The following TBRG1 variants were observed in gnomAD, a reference collection of about 807,000 sequenced individuals.
TBRG1 encodes the protein nuclear interactor of ARF and MDM2.
Under a neutral mutation model 44.0 loss-of-function variants are expected in TBRG1, and 31 were observed. That is an observed-to-expected ratio of 0.70 (90% CI 0.53 to 0.95). The LOEUF is 0.95. TBRG1 is among the 40% of genes least tolerant of loss of function. The probability of loss-of-function intolerance (pLI) is 0.00; values close to 1 mark genes in which losing one functional copy is unlikely to be tolerated. For synonymous variants in TBRG1, 171 were observed against 188.1 expected (o/e 0.91, Z 0.74); for missense variants, 487 against 496.1 (o/e 0.98, Z 0.18).
rs536232781 is a variant in TBRG1 at position 124,624,614 on chromosome 11, A to G, written c.151-317A>G. Among the ~76,000 whole-genome samples, 26 of 152,292 alleles carry G rather than the reference A, an allele frequency of 1.7e-4. No individual in the cohort carries two copies. In the South Asian group the frequency reaches 4.6e-3, roughly 27 times the overall value. ...TTTTTCTTTGCCAAAGGCTATACTA[A>G]TTAGGGTGACCATTAATCTTGGCTT... On this transcript the variant is annotated intron_variant, in intron 1 of 8. Transcript: ENST00000441174.
chr11:124,624,978 T>C lies in TBRG1; in HGVS notation c.198T>C (p.Phe66=). 6.5e-7 allele frequency: 1 copy of C among 1,550,088 alleles called. No individual in the cohort carries two copies. Among genetic ancestry groups the C allele is most frequent in the Non-Finnish European group, 8.7e-7 (1 of 1,146,074 alleles). Reference sequence around the variant, plus strand: ...AAATTGCTCGTCTTGAGGAAAAATTTCTTAAAGCAAAAGAAGAAAGAAGGT... The same window carrying C: ...AAATTGCTCGTCTTGAGGAAAAATTCCTTAAAGCAAAAGAAGAAAGAAGGT... The part of the protein sequence containing the change: ...CDEIARLEEK[F]LKAKEERRYL... Residue 66 remains phenylalanine, a synonymous_variant, in exon 2 of 9, where the codon TTT becomes TTC. Coordinates refer to ENST00000441174, the MANE Select transcript of TBRG1 (RefSeq NM_032811.3).
At chr11:124,629,306 T>G (rs1942559450) in intron 5 of TBRG1, among the ~76,000 whole-genome samples, 1 of 151,184 alleles carries the variant, frequency 6.6e-6, no homozygotes, top group Non-Finnish European at 1.5e-5. Flanking sequence ...GCCACTGCAC[T>G]CCAGCCTGGG....
intron 2 of TBRG1, 40 bp downstream of exon 2, chr11:124,625,041 G>A (rs372311921): frequency 7.2e-7 from 1 of 1,395,262 alleles, no homozygotes; most frequent in Non-Finnish European, 9.9e-7. Flanking sequence ...CACCTTTTTG[G>A]TGATTGATTT....
intron 5 of TBRG1, among the ~76,000 whole-genome samples, chr11:124,628,221 AAT>A (rs1942527800): frequency 6.8e-6 from 1 of 148,062 alleles, no homozygotes. Flanking sequence ...TATACATGTC[AAT>A]ATGACTTTTT....
rs1267094508 is a variant in TBRG1 at position 124,632,978 on chromosome 11, C to T, written c.*740C>T. ...TAATTCAAGGAATATCAAGTCCCAG[C>T]CCCTGCAACCCAGGCTGCTGCTTAA... On this transcript the variant is annotated 3_prime_UTR_variant, in exon 9 of 9. Transcript: ENST00000441174. 6.6e-6 allele frequency: 1 copy of T among 152,180 alleles called. No homozygotes were observed. The highest frequency in any genetic ancestry group is 1.5e-5 in the Non-Finnish European group (1 of 68,036). 9.4% of individuals were successfully genotyped at this position (152,180 alleles called of 1,614,324 possible).
At chr11:124,626,747 A>T (rs1942481820) in intron 4 of TBRG1, 138 bp downstream of exon 4, 16 of 1,431,186 alleles carry the variant, frequency 1.1e-5, no homozygotes, top group Non-Finnish European at 1.4e-5. Context: ...TCCCTGCAAA[A>T]CCAGGTCAGT....
chr11:124,624,499 A>C (rs955328857), intron 1 of TBRG1, among the ~76,000 whole-genome samples: 26 of 152,110 alleles, frequency 1.7e-4, no homozygotes, highest in Admixed American at 1.7e-3. Flanking sequence ...CTGGCTTTGT[A>C]AGTTTTTCAA....
At chr11:124,627,884 T>C (rs947412214) in intron 5 of TBRG1, among the ~76,000 whole-genome samples, 15 of 151,908 alleles carry the variant, frequency 9.9e-5, no homozygotes, top group African/African-American at 3.6e-4. Flanking sequence ...TAGTAGAAAT[T>C]GAAAAGCCGA....
chr11:124,634,482 G>A lies in TBRG1; in HGVS notation c.*2244G>A, dbSNP rs1011908772. 6.6e-6 allele frequency: 1 copy of A among 152,138 alleles called. No individual in the cohort carries two copies. Among genetic ancestry groups the A allele is most frequent in the Non-Finnish European group, 1.5e-5 (1 of 68,024 alleles). 9.4% of individuals were successfully genotyped at this position (152,138 alleles called of 1,614,324 possible). A position where few individuals can be genotyped will look rare whatever the true frequency, so the allele number is the denominator to read the frequency against. ...GGCAAAAAAAGGACTACCTTGGTGA[G>A]AATGTAAGTTGTTTAATCCTTTGGG... On this transcript the variant is annotated 3_prime_UTR_variant, in exon 9 of 9. Transcript: ENST00000441174.
chr11:124,630,574 T>G, intron 6 of TBRG1, 89 bp downstream of exon 6: 1 of 1,128,932 alleles, frequency 8.9e-7, no homozygotes, highest in Non-Finnish European at 1.3e-6. Flanking sequence ...GTGGAGATAC[T>G]TTATTTTATA....
At chr11:124,626,758 G>A in intron 4 of TBRG1, 146 bp from the exon 5 acceptor site, 2 of 1,447,970 alleles carry the variant, frequency 1.4e-6, no homozygotes, top group Non-Finnish European at 1.9e-6. Context: ...CCAGGTCAGT[G>A]TTGTCTGCTA....
chr11:124,631,397 A>G lies in TBRG1; in HGVS notation c.1070A>G (p.Gln357Arg). 1 of 1,613,990 alleles carries G rather than the reference A, an allele frequency of 6.2e-7. No individual in the cohort carries two copies. The highest frequency in any genetic ancestry group is 1.1e-5 in the South Asian group (1 of 91,090). Reference sequence around the variant, plus strand: ...CAGAGACAGATCTTTGATGAAGATCAGAATGATCCCCTTCTGCCAGGTATC... The same window carrying G: ...CAGAGACAGATCTTTGATGAAGATCGGAATGATCCCCTTCTGCCAGGTATC... ...AFQRQIFDED[Q>R]NDPLLPGSLD... The change falls in exon 8 of 9, where the codon CAG becomes CGG. Residue 357 changes from glutamine to arginine, a missense_variant. By Grantham distance (43) the Gln-to-Arg change is conservative (BLOSUM62 1). Coordinates refer to ENST00000441174, the MANE Select transcript of TBRG1 (RefSeq NM_032811.3).
chr11:124,623,878 A>G (rs966054798), intron 1 of TBRG1, among the ~76,000 whole-genome samples: 2 of 152,226 alleles, frequency 1.3e-5, no homozygotes, highest in Non-Finnish European at 2.9e-5. Context: ...ATAACTTTAT[A>G]TTAGAATAGT....
rs368617758 is a variant in TBRG1 at position 124,628,116 on chromosome 11, TACAC to T, written c.738+1094_738+1097del. Among the ~76,000 whole-genome samples the T allele has an allele frequency of 6.8e-3, 286 of 41,862 alleles. 9 individuals carry two copies. The highest frequency in any genetic ancestry group is 0.018 in the East Asian group (23 of 1,290). The allele number at this position is 41,862 out of a possible 152,430, so 27.5% of individuals were successfully genotyped here. A position where few individuals can be genotyped will look rare whatever the true frequency, so the allele number is the denominator to read the frequency against. On this transcript the variant is annotated intron_variant, in intron 5 of 8. Coordinates refer to ENST00000441174, the MANE Select transcript of TBRG1 (RefSeq NM_032811.3). ...ATATATATATATATATATATATATA[TACAC>T]ACACACACACACACACACACACACA...
intron 2 of TBRG1, 121 bp from the exon 3 acceptor site, chr11:124,625,550 T>A: frequency 1.1e-6 from 1 of 890,802 alleles, no homozygotes. Context: ...AATAAGAACC[T>A]TTCTTTTATG....
intron 2 of TBRG1, among the ~76,000 whole-genome samples, chr11:124,625,341 A>G (rs1302845060): frequency 6.6e-6 from 1 of 152,262 alleles, no homozygotes; most frequent in East Asian, 1.9e-4. Flanking sequence ...CGTTCTACAA[A>G]TATTTATTCT....
chr11:124,625,072 C>T, intron 2 of TBRG1, 71 bp downstream of exon 2: 1 of 1,115,106 alleles, frequency 9.0e-7, no homozygotes, highest in Non-Finnish European at 1.3e-6. Flanking sequence ...AATGGTGTTA[C>T]TGCTCTGGAG....
chr11:124,627,773 A>G (rs1015293795), intron 5 of TBRG1, among the ~76,000 whole-genome samples: 3 of 151,972 alleles, frequency 2.0e-5, no homozygotes, highest in Non-Finnish European at 4.4e-5. Context: ...AGCTTACGTG[A>G]CCTCAATTAT....
intron 1 of TBRG1, among the ~76,000 whole-genome samples, chr11:124,624,363 CAAAAAAAAA>C (rs61352898): frequency 1.2e-5 from 1 of 83,586 alleles, no homozygotes; most frequent in Non-Finnish European, 2.2e-5. Context: ...TCATCATTTA[CAAAAAAAAA>C]AAAAAAAAAA....
Sources: allele counts gnomAD v4.1 joint callset (sites outside exome capture counted in the v4.1 genomes callset), GRCh38; gene constraint gnomAD v4.1.1; transcripts MANE v1.5; gene names NCBI Gene and HGNC (gene_info 2026-07-23, HGNC 2026-07-21).